The following GRAMD4 variants were observed in gnomAD, a reference collection of about 807,000 sequenced individuals.
GRAMD4 encodes GRAM domain-containing protein 4.
In GRAMD4, 25 loss-of-function variants were observed where a neutral mutation model predicts 83.9. That is an observed-to-expected ratio of 0.30 (90% CI 0.22 to 0.42). The LOEUF (loss-of-function observed/expected upper bound fraction) is 0.42. Ranked by LOEUF, GRAMD4 falls within the 10% of genes least tolerant of loss-of-function variation. GRAMD4 has a pLI of 1.00. For missense variants in GRAMD4, 593 were observed against 788.7 expected, an observed-to-expected ratio of 0.75 and a Z score of 2.97; for synonymous variants, 336 against 320.9, an observed-to-expected ratio of 1.05 and a Z score of -0.50.
chr22:46,675,963 A>C (rs2748341), intron 17 of GRAMD4, among the ~76,000 whole-genome samples: 72,340 of 152,120 alleles, frequency 0.48, 17,364 homozygotes, highest in Middle Eastern at 0.65. Flanking sequence ...ATTTTACCGT[A>C]GCATGGAATG....
Position 46,668,125 on chromosome 22 carries a change from T to C in GRAMD4, c.888T>C (p.Ser296=), listed in dbSNP as rs1178365858. 4.3e-6 allele frequency: 7 copies of C among 1,611,624 alleles called. No homozygotes were observed. The highest frequency in any genetic ancestry group is 1.7e-5 in the Admixed American group (1 of 60,006). The change falls in exon 11 of 19, where the codon TCT becomes TCC. Residue 296 remains serine (S), a synonymous_variant. Transcript: ENST00000406902. ...CTCCAAAGGAAGACCTGACTGTGTCTGAGAAGTTCCAGCTGGTGCTGGACG... is the reference window on the plus strand; with the variant it reads ...CTCCAAAGGAAGACCTGACTGTGTCCGAGAAGTTCCAGCTGGTGCTGGACG... ...VEPPKEDLTV[S]EKFQLVLDVA... is the part of the protein sequence containing the mutation.
intron 6 of GRAMD4, among the ~76,000 whole-genome samples, chr22:46,663,436 T>C (rs905060361): frequency 4.6e-5 from 7 of 152,146 alleles, no homozygotes; most frequent in African/African-American, 1.7e-4. Context: ...CTCATGGGGC[T>C]CAGCCCACTG....
At chr22:46,587,865 C>A (rs778364427) in intron 1 of GRAMD4, 1 of 979,374 alleles carries the variant, frequency 1.0e-6, no homozygotes, top group Admixed American at 6.2e-5. Context: ...GCCAGAAGCC[C>A]GGGCGTCGGG....
intron 7 of GRAMD4, 27 bp downstream of exon 7, chr22:46,663,890 C>G (rs776711393): frequency 6.2e-7 from 1 of 1,612,262 alleles, no homozygotes; most frequent in South Asian, 1.1e-5. Flanking sequence ...CTGCGTGGCG[C>G]CCACGATGCT....
In GRAMD4 at chr22:46,662,794, C is replaced by T. The variant is rs114365800; in HGVS notation, c.467-246C>T. Among the ~76,000 whole-genome samples, 769 of 152,272 alleles carry T rather than the reference C, an allele frequency of 5.1e-3. 2 individuals carry two copies. Among genetic ancestry groups the T allele is most frequent in the African/African-American group, 0.018 (738 of 41,550 alleles). ...AAGCAGAGAGACCCGGCACTGAGGT[C>T]GTCATGGCTGGGGCAGCTCTGCTGT... On this transcript the variant is annotated intron_variant, in intron 5 of 18. Coordinates refer to ENST00000406902, the MANE Select transcript of GRAMD4 (RefSeq NM_015124.5).
In GRAMD4 at chr22:46,588,453, G is replaced by A. The variant is rs185755802; in HGVS notation, c.-50+11163G>A. On this transcript the variant is annotated intron_variant, in intron 1 of 1. Coordinates refer to the GRAMD4 transcript ENST00000431155. ...TTGTTGGAGCACCCTCCCCGGGCGA[G>A]TGCTGTTCATATTGGTATCTGCGGA... Among the ~76,000 whole-genome samples, 50 of 152,308 alleles carry A rather than the reference G, an allele frequency of 3.3e-4. No homozygotes were observed. In the East Asian group the frequency reaches 7.2e-3, roughly 22 times the overall value.
At chr22:46,595,356 G>A (rs770659180) in intron 1 of GRAMD4, among the ~76,000 whole-genome samples, 5 of 152,178 alleles carry the variant, frequency 3.3e-5, no homozygotes, top group Non-Finnish European at 7.4e-5. Context: ...TGTCTCTTCC[G>A]ACTTTATTTT....
intron 3 of GRAMD4, among the ~76,000 whole-genome samples, chr22:46,655,934 A>G (rs1041662438): frequency 6.6e-6 from 1 of 152,152 alleles, no homozygotes; most frequent in African/African-American, 2.4e-5. Flanking sequence ...CGCGGAGAAA[A>G]GTAGCCGTGC....
chr22:46,681,273 C>T (rs78198847), downstream of GRAMD4, among the ~76,000 whole-genome samples: 1 of 152,138 alleles, frequency 6.6e-6, no homozygotes, highest in Admixed American at 6.5e-5. Flanking sequence ...CTCAAAAAGG[C>T]CAACCTTGTG....
chr22:46,636,875 G>A (rs528150277), intron 2 of GRAMD4, among the ~76,000 whole-genome samples: 9 of 152,350 alleles, frequency 5.9e-5, no homozygotes, highest in African/African-American at 1.9e-4. Flanking sequence ...CCTGTAACTC[G>A]AGCCCGTCCT....
At chr22:46,611,578 T>C (rs1170240220) in intron 1 of GRAMD4, among the ~76,000 whole-genome samples, 1 of 152,196 alleles carries the variant, frequency 6.6e-6, no homozygotes, top group Admixed American at 6.5e-5. Flanking sequence ...TGGGAGCTTG[T>C]CACTCTCGTC....
intron 14 of GRAMD4, among the ~76,000 whole-genome samples, 192 bp from the exon 15 acceptor site, chr22:46,673,478 T>G (rs1026680551): frequency 6.6e-6 from 1 of 152,086 alleles, no homozygotes; most frequent in African/African-American, 2.4e-5. Flanking sequence ...GTCAGGAGGG[T>G]TGCTGGGCTC....
intron 1 of GRAMD4, among the ~76,000 whole-genome samples, chr22:46,582,954 C>T (rs564817642): frequency 2.0e-5 from 3 of 152,256 alleles, no homozygotes; most frequent in South Asian, 4.1e-4. Context: ...GATGGAGTTT[C>T]GCTCTTGTTG....
At chr22:46,661,593 C>T in intron 5 of GRAMD4, 151 bp downstream of exon 5, 1 of 631,844 alleles carries the variant, frequency 1.6e-6, no homozygotes, top group Non-Finnish European at 2.8e-6. Context: ...TGCCCAGGCA[C>T]CTGCTGGCAT....
intron 16 of GRAMD4, among the ~76,000 whole-genome samples, chr22:46,675,105 C>G (rs150550368): frequency 6.6e-6 from 1 of 152,344 alleles, no homozygotes; most frequent in Non-Finnish European, 1.5e-5. Flanking sequence ...TCATGCAGAG[C>G]AGTGGCCGTG....
intron 13 of GRAMD4, among the ~76,000 whole-genome samples, chr22:46,670,520 G>C (rs111916472): frequency 6.6e-6 from 1 of 152,204 alleles, no homozygotes; most frequent in Middle Eastern, 3.2e-3. Flanking sequence ...CAGTGCACTT[G>C]CGGCCCTGGA....
rs772625486 is a variant in GRAMD4 at position 46,672,198 on chromosome 22, G to A, written c.1085-645G>A. Among the ~76,000 whole-genome samples the A allele has an allele frequency of 2.6e-5, 4 of 152,238 alleles. No individual in the cohort carries two copies. Among genetic ancestry groups the A allele is most frequent in the East Asian group, 1.9e-4 (1 of 5,198 alleles). ...CTGTTGCCAGGTGGGGTCCTGGGGC[G>A]CAGTCAGGCCTGGCTCTTCTGAGGT... On this transcript the variant is annotated intron_variant, in intron 13 of 18. Coordinates refer to ENST00000406902, the MANE Select transcript of GRAMD4 (RefSeq NM_015124.5). The surrounding 1 kb of genome is among the most constrained non-coding windows in gnomAD (Gnocchi z 4.7).
chr22:46,598,000 G>A (rs994061946), intron 1 of GRAMD4, among the ~76,000 whole-genome samples: 21 of 151,872 alleles, frequency 1.4e-4, no homozygotes, highest in African/African-American at 5.1e-4. Flanking sequence ...TTTTGTTTTT[G>A]AGACAGAGTC....
intron 10 of GRAMD4, among the ~76,000 whole-genome samples, chr22:46,667,256 C>T (rs1238132842): frequency 6.6e-6 from 1 of 152,160 alleles, no homozygotes; most frequent in Non-Finnish European, 1.5e-5. Flanking sequence ...ATCTGAGATT[C>T]AAGAGCCCAC....
Sources: allele counts gnomAD v4.1 joint callset (sites outside exome capture counted in the v4.1 genomes callset), GRCh38; gene constraint gnomAD v4.1.1; non-coding constraint Gnocchi (gnomAD v3.1); transcripts MANE v1.5; gene names NCBI Gene and HGNC (gene_info 2026-07-23, HGNC 2026-07-21).